Variants in CLUH observed in about 807,000 individuals in gnomAD.
The protein encoded by CLUH is CLUH binding protein of NUMT mRNA.
Under a neutral mutation model 139.3 loss-of-function variants are expected in CLUH, and 77 were observed. The observed-to-expected ratio is 0.55, with a 90% CI of 0.46 to 0.67. The LOEUF (loss-of-function observed/expected upper bound fraction) is 0.67. Among genes scored for constraint, CLUH ranks in the 30% least tolerant of loss-of-function variants. CLUH has a pLI of 0.00. For synonymous variants in CLUH, 999 were observed against 801.6 expected, an observed-to-expected ratio of 1.25 and a Z score of -4.16; for missense variants, 1,876 against 1,875.8, an observed-to-expected ratio of 1.00 and a Z score of 0.00.
chr17:2,701,747 C>T lies in CLUH; in HGVS notation c.620-10G>A. ...TTCCGCTTCCCGCTGTCTGAGGGAC[C>T]CGAGGCTGGTGGTCAGCACAGGGCC... is the stretch of plus-strand genomic sequence containing the variant. On this transcript the variant is annotated splice_polypyrimidine_tract_variant and intron_variant, in intron 4 of 25. Transcript: ENST00000651024. 1 of 1,558,170 alleles carries T rather than the reference C, an allele frequency of 6.4e-7. No homozygotes were observed. Among genetic ancestry groups the T allele is most frequent in the Non-Finnish European group, 8.7e-7 (1 of 1,152,232 alleles).
Position 2,695,758 on chromosome 17 carries a change from C to T in CLUH, c.2392-232G>A, listed in dbSNP as rs76023130. 1.4e-3 allele frequency: 832 copies of T among 614,678 alleles called. 2 individuals carry two copies. The highest frequency in any genetic ancestry group is 0.013 in the African/African-American group (706 of 54,170). The allele number at this position is 614,678 out of a possible 1,614,324, so 38.1% of individuals were successfully genotyped here. A position where few individuals can be genotyped will look rare whatever the true frequency, so the allele number is the denominator to read the frequency against. On this transcript the variant is annotated intron_variant, in intron 13 of 25. Transcript: ENST00000651024. ...ACCATGTGGGAGAAGCAGAGGTGCCCGCTTGGGGGCACTACTTGACCCCCA... is the reference window on the plus strand; with the variant it reads ...ACCATGTGGGAGAAGCAGAGGTGCCTGCTTGGGGGCACTACTTGACCCCCA...
At position 2,707,661 on chromosome 17, in the gene CLUH, G is replaced by C; in HGVS notation, c.101-3097C>G. On this transcript the variant is annotated intron_variant, in intron 1 of 25. Transcript: ENST00000651024. The surrounding 1 kb of genome is among the most constrained non-coding windows in gnomAD (Gnocchi z 7.4). ...GCCCAGCAAGGGGGTCCTCTCCTCC[G>C]CTCCCATCCCAGTGGGGGTGAACAG... 1.0e-6 allele frequency: 1 copy of C among 985,372 alleles called. No individual in the cohort carries two copies. The highest frequency in any genetic ancestry group is 1.7e-5 in the African/African-American group (1 of 57,344). The allele number at this position is 985,372 out of a possible 1,614,324, so 61.0% of individuals were successfully genotyped here. A position where few individuals can be genotyped will look rare whatever the true frequency, so the allele number is the denominator to read the frequency against.
At chr17:2,693,780 G>A in intron 19 of CLUH, 120 bp downstream of exon 19, 13 of 1,313,730 alleles carry the variant, frequency 9.9e-6, no homozygotes, top group East Asian at 2.5e-5. Flanking sequence ...GGGTGGCCTG[G>A]GCAGAACCAG....
Position 2,692,499 on chromosome 17 carries a change from G to C in CLUH, c.3439-17C>G. 6.3e-7 allele frequency: 1 copy of C among 1,597,042 alleles called. No homozygotes were observed. Among genetic ancestry groups the C allele is most frequent in the Non-Finnish European group, 8.5e-7 (1 of 1,174,598 alleles). On this transcript the variant is annotated splice_polypyrimidine_tract_variant and intron_variant, in intron 21 of 25. Transcript: ENST00000651024. ...GATGTTGTTCTGGGGGCAGGCGGTG[G>C]GGGGCCCTGGTCAGCTCCCGGTCCC...
intron 9 of CLUH, 64 bp downstream of exon 9, chr17:2,700,318 G>T (rs1326721560): frequency 2.0e-6 from 3 of 1,483,362 alleles, no homozygotes; most frequent in East Asian, 4.8e-5. Flanking sequence ...TCCTCTCCAT[G>T]AGAAAACCCG....
At chr17:2,710,211 G>C (rs1336809929) in intron 1 of CLUH, among the ~76,000 whole-genome samples, 1 of 152,232 alleles carries the variant, frequency 6.6e-6, no homozygotes, top group Non-Finnish European at 1.5e-5. Flanking sequence ...CTCTGCTAGA[G>C]GGGAAATCAG....
rs368378574 is a variant in CLUH, at chr17:2,700,712, G to C, written c.1139C>G (p.Ser380Trp). 2.6e-6 allele frequency: 4 copies of C among 1,534,610 alleles called. No homozygotes were observed. In the African/African-American group the frequency reaches 4.2e-5, roughly 16 times the overall value. The change falls in exon 8 of 26, where the codon TCG becomes TGG. Residue 380 changes from serine to tryptophan, a missense_variant. Ser to Trp is a radical substitution (Grantham distance 177). Around this residue, in one of 3 missense-constraint regions of CLUH, gnomAD observed 1,454 missense variants for 1,384.4 expected, o/e 1.05. Transcript: ENST00000651024. ...AATGTGCTCCTCATAGCCCAGCCTC[G>C]AGGTGTAGGCGTCCTCTGCACGCAC... The part of the protein sequence containing the change: ...DCVRAEDAYT[S>W]RLGYEEHIPG...
In CLUH at chr17:2,690,587, T is replaced by C; in HGVS notation, c.*7A>G. The C allele has an allele frequency of 1.4e-6, 2 of 1,448,222 alleles. No homozygotes were observed. The highest frequency in any genetic ancestry group is 1.8e-6 in the Non-Finnish European group (2 of 1,097,996). The allele number at this position is 1,448,222 out of a possible 1,614,324, so 89.7% of individuals were successfully genotyped here. ...GCCGCTGGCTGGCTGTCCGTCTGGC[T>C]CCCTCTCTATCCCTGCACGCTCGGA... On this transcript the variant is annotated 3_prime_UTR_variant, in exon 26 of 26. Transcript: ENST00000651024.
intron 1 of CLUH, among the ~76,000 whole-genome samples, chr17:2,708,915 C>G (rs533316238): frequency 6.6e-6 from 1 of 152,166 alleles, no homozygotes; most frequent in South Asian, 2.1e-4. Flanking sequence ...GCCTCTACAC[C>G]CTTGGGCCAA....
chr17:2,691,112 C>A (rs2069607851), intron 25 of CLUH, among the ~76,000 whole-genome samples: 2 of 91,630 alleles, frequency 2.2e-5, no homozygotes, highest in South Asian at 9.1e-4. Flanking sequence ...CCCCGGGGAG[C>A]CCGGGGCCTG....
rs772082865 is a variant in CLUH at position 2,691,997 on chromosome 17, C to CCCCGCT, written c.3654+6_3654+7insAGCGGG. ...GCCCCCGCCCCCGCCACGCCCCCGC[C>CCCCGCT]GCGCACCTGCGTCTTGTAGATGGTG... is the stretch of plus-strand genomic sequence containing the variant. On this transcript the variant is annotated splice_region_variant and intron_variant, in intron 23 of 25. Transcript: ENST00000651024. The CCCCGCT allele has an allele frequency of 6.4e-3, 8,545 of 1,328,172 alleles. 476 individuals carry two copies. Among genetic ancestry groups the CCCCGCT allele is most frequent in the Admixed American group, 0.027 (990 of 37,102 alleles). The allele number at this position is 1,328,172 out of a possible 1,614,324, so 82.3% of individuals were successfully genotyped here.
At position 2,704,965 on chromosome 17, in the gene CLUH, T is replaced by A. The variant is rs754310613; in HGVS notation, c.101-401A>T. ...CCCCTCCCTCTCCAGCTCCATCCTC[T>A]TCCATCCCTCCTGAGCTGTGGTCCT... On this transcript the variant is annotated intron_variant, in intron 1 of 25. Coordinates refer to ENST00000651024, the MANE Select transcript of CLUH (RefSeq NM_001366661.1). This position sits in a 1 kb window ranked among gnomAD's most constrained non-coding sequence, Gnocchi z 5.7. 6.6e-6 allele frequency among the ~76,000 whole-genome samples: 1 copy of A among 152,104 alleles called. No individual in the cohort carries two copies. The highest frequency in any genetic ancestry group is 2.1e-4 in the South Asian group (1 of 4,830).
intron 25 of CLUH, 72 bp from the exon 26 acceptor site, chr17:2,690,849 C>T (rs888371054): frequency 4.0e-6 from 5 of 1,255,810 alleles, no homozygotes; most frequent in Middle Eastern, 2.9e-4. Flanking sequence ...CCCGGCTTTC[C>T]TGTGGGATAA....
In CLUH at chr17:2,707,677, G is replaced by A. The variant is rs1330616289; in HGVS notation, c.101-3113C>T. 1.0e-5 allele frequency: 10 copies of A among 985,284 alleles called. No homozygotes were observed. In the East Asian group the frequency reaches 1.1e-3, roughly 112 times the overall value. The allele number at this position is 985,284 out of a possible 1,614,324, so 61.0% of individuals were successfully genotyped here. ...CTCTCCTCCGCTCCCATCCCAGTGGGGGTGAACAGGACCGCTTCTGCCAGC... is the reference window on the plus strand; with the variant it reads ...CTCTCCTCCGCTCCCATCCCAGTGGAGGTGAACAGGACCGCTTCTGCCAGC... On this transcript the variant is annotated intron_variant, in intron 1 of 25. Coordinates refer to ENST00000651024, the MANE Select transcript of CLUH (RefSeq NM_001366661.1). The surrounding 1 kb of genome is among the most constrained non-coding windows in gnomAD (Gnocchi z 7.4).
intron 23 of CLUH, 37 bp downstream of exon 23, chr17:2,691,967 G>GA: frequency 1.4e-6 from 1 of 727,968 alleles, no homozygotes; most frequent in Non-Finnish European, 1.7e-6. Context: ...CCACGCCCCC[G>GA]CCCCGCCCCC....
chr17:2,690,639 G>A lies in CLUH; in HGVS notation c.4002C>T (p.Ser1334=). Residue 1334 remains serine, a synonymous_variant, in exon 26 of 26, where the codon TCC becomes TCT. Transcript: ENST00000651024. Reference sequence around the variant, plus strand: ...AAGGGTCCTTGGCAGCCGGGGGCTGGGAGCCCAGGTCTCCTGGGGCCCCCG... The same window carrying A: ...AAGGGTCCTTGGCAGCCGGGGGCTGAGAGCCCAGGTCTCCTGGGGCCCCCG... ...APAGAPGDLG[S]QPPAAKDPSP... The A allele has an allele frequency of 2.6e-6, 4 of 1,510,588 alleles. No individual in the cohort carries two copies. Among genetic ancestry groups the A allele is most frequent in the Non-Finnish European group, 3.5e-6 (4 of 1,135,818 alleles). 93.6% of individuals were successfully genotyped at this position (1,510,588 alleles called of 1,614,324 possible).
chr17:2,701,593 T>A lies in CLUH; in HGVS notation c.744+20A>T, dbSNP rs1233692803. 1 of 1,610,686 alleles carries A rather than the reference T, an allele frequency of 6.2e-7. No homozygotes were observed. Among genetic ancestry groups the A allele is most frequent in the Non-Finnish European group, 8.5e-7 (1 of 1,178,384 alleles). The stretch of plus-strand genomic sequence containing the variant: ...TCCACCCCGCCAGGGACCCTCTTCC[T>A]CCCTCCCCCAGGATCCTACCTTCCA... On this transcript the variant is annotated intron_variant, in intron 5 of 25. Coordinates refer to ENST00000651024, the MANE Select transcript of CLUH (RefSeq NM_001366661.1).
In CLUH at chr17:2,710,469, G is replaced by A. The variant is rs144390057; in HGVS notation, c.100+1093C>T. On this transcript the variant is annotated intron_variant, in intron 1 of 25. Transcript: ENST00000651024. ...AGCCCTGGCGCACTCACTGAAGCTA[G>A]GAAGGGAGATGATGAGGCGTTAAGA... Among the ~76,000 whole-genome samples, 408 of 152,320 alleles carry A rather than the reference G, an allele frequency of 2.7e-3. 1 individual carries two copies. The highest frequency in any genetic ancestry group is 9.4e-3 in the African/African-American group (390 of 41,568).
intron 16 of CLUH, 35 bp downstream of exon 16, chr17:2,694,822 T>TACCACCCCCCCCCC: frequency 7.4e-7 from 1 of 1,346,336 alleles, no homozygotes; most frequent in Non-Finnish European, 1.0e-6. Context: ...ATCTGCCCAA[T>TACCACCCCCCCCCC]CCCACCCACC....
Sources: allele counts gnomAD v4.1 joint callset (sites outside exome capture counted in the v4.1 genomes callset), GRCh38; gene constraint gnomAD v4.1.1; regional missense constraint gnomAD v4.1.1; non-coding constraint Gnocchi (gnomAD v3.1); transcripts MANE v1.5; gene names NCBI Gene and HGNC (gene_info 2026-07-23, HGNC 2026-07-21).